Variants in USP15 observed in about 807,000 individuals in gnomAD.
USP15 encodes ubiquitin carboxyl-terminal hydrolase 15.
A neutral mutation model predicts 127.1 loss-of-function variants in USP15; 18 were observed. That is an observed-to-expected ratio of 0.14 (90% CI 0.10 to 0.21). USP15 has a LOEUF of 0.21. USP15 is among the 10% of genes least tolerant of loss of function. The pLI is 1.00. For synonymous variants in USP15, 364 were observed against 393.7 expected, an observed-to-expected ratio of 0.92 and a Z score of 0.89; for missense variants, 805 against 1,159.9, an observed-to-expected ratio of 0.69 and a Z score of 4.44.
intron 5 of USP15, among the ~76,000 whole-genome samples, chr12:62,322,561 A>G (rs1051995023): frequency 6.6e-6 from 1 of 152,034 alleles, no homozygotes; most frequent in Non-Finnish European, 1.5e-5. Context: ...CTTATCTTTC[A>G]TAGTCTCTTT....
intron 6 of USP15, among the ~76,000 whole-genome samples, chr12:62,332,511 G>C (rs968199124): frequency 4.6e-5 from 7 of 151,686 alleles, no homozygotes; most frequent in Admixed American, 1.3e-4. Context: ...ATTTTACAGT[G>C]GAGTCATTAT....
At chr12:62,299,269 C>G (rs1255196794) in intron 2 of USP15, among the ~76,000 whole-genome samples, 1 of 152,142 alleles carries the variant, frequency 6.6e-6, no homozygotes, top group Non-Finnish European at 1.5e-5. Flanking sequence ...TGCCACCACA[C>G]CTGGCTGATC....
intron 8 of USP15, among the ~76,000 whole-genome samples, chr12:62,358,465 A>T (rs2066208273): frequency 6.6e-6 from 1 of 152,202 alleles, no homozygotes; most frequent in African/African-American, 2.4e-5. Context: ...CTGTAATCCC[A>T]GCACTTTGGG....
At chr12:62,289,215 C>CTTCTTGTTGTTGTTG (rs1555206431) in intron 1 of USP15, among the ~76,000 whole-genome samples, 1 of 150,540 alleles carries the variant, frequency 6.6e-6, no homozygotes, top group Non-Finnish European at 1.5e-5. Context: ...CTCTCCTGAG[C>CTTCTTGTTGTTGTTG]TTGTTGTTGT....
At chr12:62,322,461 A>T (rs1463407314) in intron 5 of USP15, among the ~76,000 whole-genome samples, 1 of 151,758 alleles carries the variant, frequency 6.6e-6, no homozygotes, top group Non-Finnish European at 1.5e-5. Flanking sequence ...AAGTATTGAG[A>T]AATGAAGAGG....
chr12:62,363,291 G>A (rs1302406858), intron 8 of USP15, among the ~76,000 whole-genome samples: 4 of 151,854 alleles, frequency 2.6e-5, no homozygotes, highest in Admixed American at 2.0e-4. Flanking sequence ...TTCACTCAAC[G>A]ATCAATGAAA....
chr12:62,388,116 GAT>G (rs1565906841), intron 11 of USP15, among the ~76,000 whole-genome samples: 4 of 127,290 alleles, frequency 3.1e-5, no homozygotes, highest in African/African-American at 5.9e-5. Context: ...GAATGGTGAA[GAT>G]TTTTTTTTTT....
At chr12:62,364,943 T>A (rs544160577) in intron 8 of USP15, among the ~76,000 whole-genome samples, 2 of 152,332 alleles carry the variant, frequency 1.3e-5, no homozygotes, top group African/African-American at 4.8e-5. Context: ...CACTTTTTTT[T>A]ATGCAGTCTG....
At position 62,260,442 on chromosome 12, in the gene USP15, G is replaced by A; in HGVS notation, c.28G>A (p.Asp10Asn). Reference sequence around the variant, plus strand: ...GGCGGAAGGCGGAGCGGCGGATCTGGACACCCAGCGGTCTGACATCGCGAC... The same window carrying A: ...GGCGGAAGGCGGAGCGGCGGATCTGAACACCCAGCGGTCTGACATCGCGAC... Reference protein sequence around the residue: MAEGGAADLDTQRSDIATLL... With the variant: MAEGGAADLNTQRSDIATLL... Residue 10 changes from aspartate to asparagine, a missense_variant, in exon 1 of 22, where the codon GAC becomes AAC. Physicochemically the swap from Asp to Asn is conservative, Grantham distance 23. Around this residue, in one of 11 missense-constraint regions of USP15, gnomAD observed 45 missense variants for 37.8 expected, o/e 1.19. Coordinates refer to ENST00000280377, the MANE Select transcript of USP15 (RefSeq NM_001252078.2). 3 of 1,551,920 alleles carry A rather than the reference G, an allele frequency of 1.9e-6. No homozygotes were observed. The highest frequency in any genetic ancestry group is 4.9e-5 in the East Asian group (2 of 41,022).
At chr12:62,348,745 T>C (rs1163728279) in intron 6 of USP15, among the ~76,000 whole-genome samples, 1 of 152,188 alleles carries the variant, frequency 6.6e-6, no homozygotes, top group Non-Finnish European at 1.5e-5. Context: ...ATATTGGGAT[T>C]ATGCTTGGAA....
At chr12:62,336,532 C>T (rs1318530090) in intron 6 of USP15, 1 of 950,258 alleles carries the variant, frequency 1.1e-6, no homozygotes, top group Admixed American at 6.2e-5. Flanking sequence ...CAAAGAACTT[C>T]TGTTATATGG....
At chr12:62,315,676 G>C (rs1236445637) in intron 4 of USP15, among the ~76,000 whole-genome samples, 1 of 152,110 alleles carries the variant, frequency 6.6e-6, no homozygotes, top group Non-Finnish European at 1.5e-5. Flanking sequence ...GTAGAACCCA[G>C]CTTGGAAACA....
At position 62,350,713 on chromosome 12, in the gene USP15, C is replaced by T. The variant is rs553870405; in HGVS notation, c.770+1406C>T. 4.6e-5 allele frequency among the ~76,000 whole-genome samples: 7 copies of T among 152,242 alleles called. No homozygotes were observed. In the South Asian group the frequency reaches 1.0e-3, roughly 23 times the overall value. ...AATCACAGCTCCCTGCACCCATGAC[C>T]TCCCAGGCTCAAGTGATCCTCCCAC... On this transcript the variant is annotated intron_variant, in intron 7 of 21. Transcript: ENST00000280377.
chr12:62,383,773 A>G (rs973683772), intron 9 of USP15, 67 bp from the exon 10 acceptor site: 39 of 1,494,018 alleles, frequency 2.6e-5, no homozygotes, highest in Non-Finnish European at 3.3e-5. Context: ...ATGAGAATCT[A>G]TTGTACATAT....
chr12:62,270,929 C>T (rs570741763), intron 1 of USP15, among the ~76,000 whole-genome samples: 1 of 151,950 alleles, frequency 6.6e-6, no homozygotes, highest in Non-Finnish European at 1.5e-5. Flanking sequence ...TTCTCTCATT[C>T]GAAATCTACC....
intron 20 of USP15, among the ~76,000 whole-genome samples, chr12:62,399,815 G>A (rs2067622188): frequency 6.6e-6 from 1 of 152,144 alleles, no homozygotes; most frequent in African/African-American, 2.4e-5. Flanking sequence ...GTGATTGGTT[G>A]GTTGGTTGGC....
At chr12:62,270,192 TC>T (rs1476042236) in intron 1 of USP15, among the ~76,000 whole-genome samples, 6 of 152,146 alleles carry the variant, frequency 3.9e-5, no homozygotes, top group Admixed American at 1.3e-4. Context: ...CTGTCCAGAT[TC>T]TTTGCCCATT....
chr12:62,290,449 C>T (rs942667953), intron 1 of USP15, among the ~76,000 whole-genome samples: 39 of 151,894 alleles, frequency 2.6e-4, no homozygotes, highest in Admixed American at 2.0e-4. Context: ...TTTTGGTTTC[C>T]GTTTGCATGG....
intron 6 of USP15, among the ~76,000 whole-genome samples, chr12:62,347,110 C>A (rs1175355332): frequency 1.3e-5 from 2 of 151,664 alleles, no homozygotes; most frequent in Non-Finnish European, 2.9e-5. Flanking sequence ...CTTTGTATTC[C>A]CAGTACTTAT....
Sources: gnomAD v4.1 joint callset for allele counts (sites outside exome capture counted in the v4.1 genomes callset) on GRCh38, gnomAD v4.1.1 for gene constraint, gnomAD v4.1.1 regional missense constraint, MANE v1.5 for transcripts, NCBI Gene and HGNC (gene_info 2026-07-23, HGNC 2026-07-21) for gene names.